Variants in SLC71A1 observed in about 807,000 individuals in gnomAD.
The protein encoded by SLC71A1 is hippocampus abundant gene transcript 1.
At chr1:100,063,229 A>G in the SLC71A1 span, among the ~76,000 whole-genome samples, 3 of 152,126 alleles carry the variant, frequency 2.0e-5, no homozygotes, top group African/African-American at 4.8e-5. Flanking sequence ...ACAATTTTCA[A>G]TCTGGAGGTT....
At chr1:100,072,563 GT>G in the SLC71A1 span, among the ~76,000 whole-genome samples, 2 of 149,758 alleles carry the variant, frequency 1.3e-5, no homozygotes, top group Non-Finnish European at 3.0e-5. Flanking sequence ...AAGGTCATTG[GT>G]TTTTTTCCAT....
At chr1:100,069,527 A>C in the SLC71A1 span, 2 of 762,086 alleles carry the variant, frequency 2.6e-6, no homozygotes, top group Non-Finnish European at 4.5e-6. Flanking sequence ...TGGCCCATTA[A>C]ATGTTAATAT....
At chr1:100,043,127 A>G in the SLC71A1 span, 2 of 984,464 alleles carry the variant, frequency 2.0e-6, no homozygotes, top group Admixed American at 6.1e-5. Context: ...GCATACCAAC[A>G]TAATCAGACC....
At chr1:100,082,432 A>G in the SLC71A1 span, 3 of 546,118 alleles carry the variant, frequency 5.5e-6, no homozygotes, top group East Asian at 3.1e-5. Context: ...ATTAGCACCA[A>G]TTTCTTGCCA....
At chr1:100,060,969 T>A in the SLC71A1 span, among the ~76,000 whole-genome samples, 8 of 152,160 alleles carry the variant, frequency 5.3e-5, no homozygotes, top group Admixed American at 1.3e-4. Context: ...GGGCAGGATC[T>A]TCTTCTTGTA....
At chr1:100,069,678 T>C in the SLC71A1 span, 1 of 1,607,450 alleles carries the variant, frequency 6.2e-7, no homozygotes, top group South Asian at 1.1e-5. Flanking sequence ...CTTTCCATTA[T>C]TGCACAGGTG....
the SLC71A1 span, among the ~76,000 whole-genome samples, chr1:100,046,313 G>A: frequency 2.6e-3 from 334 of 130,202 alleles, 2 homozygotes; most frequent in Non-Finnish European, 4.4e-3. Flanking sequence ...TGCAACCTCT[G>A]CCTCCCTGGT....
At chr1:100,045,312 A>G in the SLC71A1 span, among the ~76,000 whole-genome samples, 1 of 152,172 alleles carries the variant, frequency 6.6e-6, no homozygotes, top group African/African-American at 2.4e-5. Context: ...CGTTGCTGGA[A>G]TATAGCAGTG....
At chr1:100,052,431 T>G in the SLC71A1 span, among the ~76,000 whole-genome samples, 1 of 143,868 alleles carries the variant, frequency 7.0e-6, no homozygotes, top group Non-Finnish European at 1.5e-5. Context: ...TTCCTTTTTT[T>G]TTTTTTTTTT....
chr1:100,038,764 G>A, the SLC71A1 span, among the ~76,000 whole-genome samples: 1 of 152,232 alleles, frequency 6.6e-6, no homozygotes, highest in South Asian at 2.1e-4. Context: ...TGTTGCTAAC[G>A]GGGTGGCGTC....
chr1:100,068,514 C>G, the SLC71A1 span: 377 of 1,613,972 alleles, frequency 2.3e-4, 1 homozygote, highest in Non-Finnish European at 3.1e-4. Flanking sequence ...TGCTGCTGAT[C>G]TGCATTACAG....
the SLC71A1 span, among the ~76,000 whole-genome samples, chr1:100,041,952 A>T: frequency 6.6e-6 from 1 of 152,160 alleles, no homozygotes; most frequent in Non-Finnish European, 1.5e-5. Flanking sequence ...TTTTAGTTAC[A>T]GGTTTTCATG....
At chr1:100,054,673 G>A in the SLC71A1 span, among the ~76,000 whole-genome samples, 1 of 151,956 alleles carries the variant, frequency 6.6e-6, no homozygotes, top group Non-Finnish European at 1.5e-5. Flanking sequence ...CAGCCCCAAA[G>A]CGTTTAACAT....
At chr1:100,038,428 C>T in the SLC71A1 span, 1 of 883,732 alleles carries the variant, frequency 1.1e-6, no homozygotes. Context: ...CCTTCCCCCA[C>T]CCTGTCCGAG....
the SLC71A1 span, among the ~76,000 whole-genome samples, chr1:100,051,912 C>G: frequency 6.6e-6 from 1 of 152,166 alleles, no homozygotes; most frequent in Non-Finnish European, 1.5e-5. Flanking sequence ...TTCATCCTTA[C>G]AACCACCTTA....
chr1:100,072,362 T>C, the SLC71A1 span, among the ~76,000 whole-genome samples: 1 of 152,168 alleles, frequency 6.6e-6, no homozygotes, highest in Admixed American at 6.5e-5. Flanking sequence ...AGTAGCCCTT[T>C]TCTGGGTCCC....
the SLC71A1 span, chr1:100,062,262 A>G: frequency 4.5e-6 from 1 of 224,240 alleles, no homozygotes; most frequent in Non-Finnish European, 8.6e-6. Flanking sequence ...AGAGTTAAAA[A>G]AAATCACTAC....
chr1:100,065,575 TTTCCCTTCCC>T, the SLC71A1 span, among the ~76,000 whole-genome samples: 10 of 145,848 alleles, frequency 6.9e-5, no homozygotes, highest in African/African-American at 1.3e-4. Context: ...CCTTTTCTCT[TTTCCCTTCCC>T]TTCCCTTCCC....
the SLC71A1 span, among the ~76,000 whole-genome samples, chr1:100,048,204 T>C: frequency 6.6e-6 from 1 of 150,820 alleles, no homozygotes. Flanking sequence ...TTTTTTTTTT[T>C]CAGAGTCTCT....
Sources: gnomAD v4.1 joint callset for allele counts (sites outside exome capture counted in the v4.1 genomes callset) on GRCh38, gnomAD v4.1.1 for gene constraint, MANE v1.5 for transcripts, NCBI Gene and HGNC (gene_info 2026-07-23, HGNC 2026-07-21) for gene names.